SEPTIN9: variants seen among roughly 807,000 people sequenced by gnomAD.
SEPTIN9 encodes septin-9.
SEPTIN9 carries 13 observed loss-of-function variants against 56.6 expected under a neutral mutation model. The observed-to-expected ratio is 0.23, with a 90% CI of 0.15 to 0.37. The LOEUF is 0.37. SEPTIN9 is among the 10% of genes least tolerant of loss of function. The pLI, the probability that SEPTIN9 is intolerant of heterozygous loss-of-function variation, is 1.00. For synonymous variants in SEPTIN9, 332 were observed against 334.1 expected, an observed-to-expected ratio of 0.99 and a Z score of 0.07; for missense variants, 650 against 823.1, an observed-to-expected ratio of 0.79 and a Z score of 2.57.
chr17:77,480,160 C>T (rs968455747), intron 3 of SEPTIN9, among the ~76,000 whole-genome samples: 2 of 152,152 alleles, frequency 1.3e-5, no homozygotes, highest in Non-Finnish European at 2.9e-5. Context: ...TGTGTGGACC[C>T]CCCCTTGGCA....
intron 4 of SEPTIN9, among the ~76,000 whole-genome samples, chr17:77,486,158 G>A (rs1432743502): frequency 6.6e-6 from 1 of 151,654 alleles, no homozygotes; most frequent in Non-Finnish European, 1.5e-5. Context: ...TCACTCTGGA[G>A]TGGCAATGAT....
chr17:77,428,236 C>T (rs768377419), intron 3 of SEPTIN9, among the ~76,000 whole-genome samples: 1 of 152,226 alleles, frequency 6.6e-6, no homozygotes. Flanking sequence ...GAACACTGGC[C>T]CTGCCTTGGA....
intron 2 of SEPTIN9, among the ~76,000 whole-genome samples, chr17:77,315,917 G>C (rs546146034): frequency 6.6e-6 from 1 of 152,330 alleles, no homozygotes; most frequent in South Asian, 2.1e-4. Context: ...CCAGGGTGTG[G>C]GCAGGCTGGG....
At chr17:77,337,243 A>G (rs1252941369) in intron 2 of SEPTIN9, among the ~76,000 whole-genome samples, 1 of 152,076 alleles carries the variant, frequency 6.6e-6, no homozygotes, top group East Asian at 1.9e-4. Context: ...TCTTGAGCTT[A>G]AGCAATACTC....
At chr17:77,431,713 C>A (rs1268834705) in intron 3 of SEPTIN9, among the ~76,000 whole-genome samples, 1 of 151,924 alleles carries the variant, frequency 6.6e-6, no homozygotes, top group Non-Finnish European at 1.5e-5. Context: ...GCCTGTGCTC[C>A]CAGCTCCTCA....
chr17:77,286,895 G>T (rs1007723319), intron 1 of SEPTIN9, among the ~76,000 whole-genome samples: 1 of 152,204 alleles, frequency 6.6e-6, no homozygotes, highest in Non-Finnish European at 1.5e-5. Context: ...AACCTTTGGG[G>T]TGAGGCGGGA....
At chr17:77,320,722 T>C (rs899864722) in intron 2 of SEPTIN9, among the ~76,000 whole-genome samples, 1 of 152,042 alleles carries the variant, frequency 6.6e-6, no homozygotes, top group African/African-American at 2.4e-5. Flanking sequence ...TGGCTGGTGG[T>C]TGGTTTGTCC....
intron 2 of SEPTIN9, among the ~76,000 whole-genome samples, chr17:77,349,825 C>T (rs1345158775): frequency 6.6e-6 from 1 of 152,252 alleles, no homozygotes; most frequent in Non-Finnish European, 1.5e-5. Context: ...ATAGCAGCTA[C>T]TCTCTGTGAC....
intron 11 of SEPTIN9, among the ~76,000 whole-genome samples, chr17:77,497,901 T>A (rs2040339325): frequency 6.7e-6 from 1 of 149,872 alleles, no homozygotes; most frequent in Non-Finnish European, 1.5e-5. Flanking sequence ...GATGGGAATG[T>A]TATCAAGAGG....
chr17:77,428,560 C>A (rs978475825), intron 3 of SEPTIN9, among the ~76,000 whole-genome samples: 1 of 152,244 alleles, frequency 6.6e-6, no homozygotes, highest in Non-Finnish European at 1.5e-5. Context: ...CAGATGTTAG[C>A]TGTGCAGGCA....
intron 3 of SEPTIN9, among the ~76,000 whole-genome samples, chr17:77,458,213 A>G (rs1281330964): frequency 6.6e-6 from 1 of 152,162 alleles, no homozygotes; most frequent in Non-Finnish European, 1.5e-5. Context: ...TCACTCATTC[A>G]GCAGACCCCG....
At chr17:77,391,485 A>G (rs1227628072) in intron 2 of SEPTIN9, among the ~76,000 whole-genome samples, 1 of 152,100 alleles carries the variant, frequency 6.6e-6, no homozygotes, top group Non-Finnish European at 1.5e-5. Flanking sequence ...TCTGTCTTTT[A>G]TAAAGATGCT....
rs2032826569 is a variant in SEPTIN9, at chr17:77,319,525, A to G, written c.76+12328A>G. On this transcript the variant is annotated intron_variant, in intron 2 of 11. Transcript: ENST00000427177. The surrounding 1 kb of genome is among the most constrained non-coding windows in gnomAD (Gnocchi z 5.3). ...GGCGGGGACGGCAACTGCCTCTGTC[A>G]CTGCAGACTAATGGGACGGAGGGGG... The G allele has an allele frequency of 9.6e-7, 1 of 1,044,244 alleles. No homozygotes were observed. Among genetic ancestry groups the G allele is most frequent in the Non-Finnish European group, 1.2e-6 (1 of 865,920 alleles). The allele number at this position is 1,044,244 out of a possible 1,614,324, so 64.7% of individuals were successfully genotyped here.
At chr17:77,477,964 T>C (rs1469507189) in intron 3 of SEPTIN9, among the ~76,000 whole-genome samples, 1 of 152,056 alleles carries the variant, frequency 6.6e-6, no homozygotes, top group East Asian at 1.9e-4. Flanking sequence ...GGAGGTGCGA[T>C]GGGGATCTCA....
At chr17:77,300,243 G>A (rs186876142) in intron 1 of SEPTIN9, among the ~76,000 whole-genome samples, 9 of 152,166 alleles carry the variant, frequency 5.9e-5, no homozygotes, top group East Asian at 3.9e-4. Flanking sequence ...GATTACAGGC[G>A]TGCACCACCA....
At chr17:77,316,904 C>G (rs115353128) in intron 2 of SEPTIN9, among the ~76,000 whole-genome samples, 4,772 of 151,952 alleles carry the variant, frequency 0.031, 264 homozygotes, top group African/African-American at 0.11. Context: ...TCTCTTGTTT[C>G]TAAACTCAAT....
intron 3 of SEPTIN9, among the ~76,000 whole-genome samples, chr17:77,460,118 A>G (rs1463348870): frequency 7.1e-6 from 1 of 140,384 alleles, no homozygotes; most frequent in Non-Finnish European, 1.5e-5. Context: ...ACATTTCAGC[A>G]TGAGATTTGG....
chr17:77,422,615 G>T lies in SEPTIN9; in HGVS notation c.721+19912G>T, dbSNP rs534100333. ...CCGCTTTCCCCAGGGAGCACTCAGGGCTGGTCCCGGGGAGCCGGGCTAATG... is the reference window on the plus strand; with the variant it reads ...CCGCTTTCCCCAGGGAGCACTCAGGTCTGGTCCCGGGGAGCCGGGCTAATG... On this transcript the variant is annotated intron_variant, in intron 3 of 11. Coordinates refer to ENST00000427177, the MANE Select transcript of SEPTIN9 (RefSeq NM_001113491.2). Among the ~76,000 whole-genome samples the T allele has an allele frequency of 4.6e-5, 7 of 152,334 alleles. No homozygotes were observed. The East Asian group carries it at 1.2e-3, about 25-fold the overall frequency.
At chr17:77,345,056 G>A (rs1895530630) in intron 2 of SEPTIN9, among the ~76,000 whole-genome samples, 1 of 149,654 alleles carries the variant, frequency 6.7e-6, no homozygotes, top group Admixed American at 6.7e-5. Flanking sequence ...AGTGACAGAA[G>A]CCAGACATGA....
Sources: gnomAD v4.1 joint callset for allele counts (sites outside exome capture counted in the v4.1 genomes callset) on GRCh38, gnomAD v4.1.1 for gene constraint, Gnocchi (gnomAD v3.1) non-coding constraint, MANE v1.5 for transcripts, NCBI Gene and HGNC (gene_info 2026-07-23, HGNC 2026-07-21) for gene names.